Variants in PLXNA2 observed in about 807,000 individuals in gnomAD.
PLXNA2 encodes the protein plexin-A2.
PLXNA2 carries 91 observed loss-of-function variants against 193.5 expected under a neutral mutation model. That is an observed-to-expected ratio of 0.47 (90% CI 0.40 to 0.56). The LOEUF (loss-of-function observed/expected upper bound fraction) is 0.56, where lower values mean the gene tolerates loss of function less well. Ranked by LOEUF, PLXNA2 falls within the 20% of genes least tolerant of loss-of-function variation. The pLI is 0.00. For missense variants in PLXNA2, 1,995 were observed against 2,503.2 expected (o/e 0.80, Z 4.33); for synonymous variants, 997 against 1,027.3 (o/e 0.97, Z 0.56).
intron 11 of PLXNA2, among the ~76,000 whole-genome samples, chr1:208,079,839 C>T (rs2478809): frequency 0.14 from 20,832 of 152,098 alleles, 1,759 homozygotes; most frequent in East Asian, 0.34. Context: ...GTGCTTAGCA[C>T]AGTGCCTGTA....
intron 4 of PLXNA2, among the ~76,000 whole-genome samples, chr1:208,117,920 T>C (rs1470272059): frequency 6.6e-6 from 1 of 152,176 alleles, no homozygotes; most frequent in African/African-American, 2.4e-5. Flanking sequence ...AATTTGAGGC[T>C]GTGTTTGAGA....
Position 208,079,301 on chromosome 1 carries a change from A to C in PLXNA2, c.2545T>G (p.Ser849Ala), listed in dbSNP as rs773107405. ...TSPSSPWLDW[S>A]SHNVKCSNPQ... ...TTGGAGCACTTGACATTGTGGCTGG[A>C]CCAGTCGAGCCAGGGGCTGGAAGGG... The change falls in exon 12 of 32, where the codon TCC (serine) becomes GCC (alanine). Residue 849 changes from serine to alanine, a missense_variant. Transcript: ENST00000367033. 6.2e-7 allele frequency: 1 copy of C among 1,612,168 alleles called. No individual in the cohort carries two copies. The highest frequency in any genetic ancestry group is 8.5e-7 in the Non-Finnish European group (1 of 1,178,768).
chr1:208,210,380 A>G lies in PLXNA2; in HGVS notation c.1271T>C (p.Leu424Pro). ...GGSTPVEGLT[L>P]YTTSRDRMTS... ...CATGCGGTCCCTGCTGGTGGTGTAC[A>G]GGGTCAGGCCCTCCACTGGAGTTGA... Residue 424 changes from leucine (L) to proline (P), a missense_variant, in exon 3 of 32, where the codon CTG (leucine) becomes CCG (proline). This residue lies in a region of PLXNA2 where 702 missense variants were observed against 812.9 expected (regional missense o/e 0.86). Transcript: ENST00000367033. 1 of 1,614,062 alleles carries G rather than the reference A, an allele frequency of 6.2e-7. No individual in the cohort carries two copies. The highest frequency in any genetic ancestry group is 8.5e-7 in the Non-Finnish European group (1 of 1,180,006).
intron 4 of PLXNA2, among the ~76,000 whole-genome samples, chr1:208,132,660 T>C (rs1050863404): frequency 6.6e-6 from 1 of 152,148 alleles, no homozygotes; most frequent in Non-Finnish European, 1.5e-5. Context: ...GCAGGGTGGT[T>C]AAGCTTTTTT....
chr1:208,184,441 G>C (rs1191607161), intron 3 of PLXNA2, among the ~76,000 whole-genome samples: 1 of 150,746 alleles, frequency 6.6e-6, no homozygotes, highest in Non-Finnish European at 1.5e-5. Flanking sequence ...AAAAACCAAG[G>C]AAAGTATACC....
intron 4 of PLXNA2, among the ~76,000 whole-genome samples, chr1:208,129,698 C>T (rs1301225755): frequency 2.0e-5 from 3 of 152,200 alleles, no homozygotes; most frequent in African/African-American, 7.2e-5. Flanking sequence ...CCTTGACTCA[C>T]AGGCTATATT....
intron 3 of PLXNA2, among the ~76,000 whole-genome samples, chr1:208,206,824 C>A (rs866605136): frequency 7.1e-6 from 1 of 140,692 alleles, no homozygotes; most frequent in Non-Finnish European, 1.5e-5. Context: ...AGGCTAGTGG[C>A]GCGATCTGGG....
chr1:208,178,101 C>A (rs1669715441), intron 3 of PLXNA2, among the ~76,000 whole-genome samples: 1 of 149,984 alleles, frequency 6.7e-6, no homozygotes, highest in Non-Finnish European at 1.5e-5. Flanking sequence ...TAATAAGTGT[C>A]CATTCCTACC....
Position 208,045,183 on chromosome 1 carries a change from CA to C in PLXNA2, c.3522del (p.Gly1175GlufsTer52). ...LKGKNLCPPA[S>X]GGAKLNYTVL... is the part of the protein sequence containing the mutation. Reference sequence around the variant, plus strand: ...ACAGTGTAGTTGAGTTTGGCCCCTCCAGAGGCAGGAGGGCAGAGGTTTTTGC... The same window carrying C: ...ACAGTGTAGTTGAGTTTGGCCCCTCCGAGGCAGGAGGGCAGAGGTTTTTGC... On this transcript the variant is annotated frameshift_variant, in exon 19 of 32. Coordinates refer to ENST00000367033, the MANE Select transcript of PLXNA2 (RefSeq NM_025179.4). LOFTEE classifies it high-confidence loss of function. 1.9e-6 allele frequency: 3 copies of C among 1,614,168 alleles called. No homozygotes were observed. The highest frequency in any genetic ancestry group is 2.5e-6 in the Non-Finnish European group (3 of 1,180,028).
At chr1:208,075,631 G>A (rs1666121830) in intron 12 of PLXNA2, among the ~76,000 whole-genome samples, 1 of 152,142 alleles carries the variant, frequency 6.6e-6, no homozygotes, top group Non-Finnish European at 1.5e-5. Context: ...AGTGTTCATT[G>A]ACCATTCTTT....
chr1:208,046,208 T>C, intron 17 of PLXNA2, 91 bp from the exon 18 acceptor site: 1 of 1,441,818 alleles, frequency 6.9e-7, no homozygotes, highest in Non-Finnish European at 9.3e-7. Context: ...TCTCTGCTTT[T>C]GTGCCTCGTC....
intron 3 of PLXNA2, among the ~76,000 whole-genome samples, chr1:208,185,157 G>A (rs963379219): frequency 2.8e-4 from 42 of 152,320 alleles, no homozygotes; most frequent in African/African-American, 9.1e-4. Flanking sequence ...CTTCTAGGCT[G>A]CAGGGATTTG....
intron 4 of PLXNA2, among the ~76,000 whole-genome samples, chr1:208,112,249 A>G (rs760693294): frequency 1.3e-5 from 2 of 152,130 alleles, no homozygotes; most frequent in Non-Finnish European, 2.9e-5. Flanking sequence ...GTGGAATTCA[A>G]CCCTTGGATG....
At chr1:208,164,655 C>A (rs1430695222) in intron 3 of PLXNA2, among the ~76,000 whole-genome samples, 1 of 152,180 alleles carries the variant, frequency 6.6e-6, no homozygotes, top group African/African-American at 2.4e-5. Context: ...ATAGAGAAAA[C>A]AAACTCTGTT....
chr1:208,053,695 C>T (rs77190798), intron 14 of PLXNA2, among the ~76,000 whole-genome samples: 220 of 152,292 alleles, frequency 1.4e-3, no homozygotes, highest in African/African-American at 4.9e-3. Context: ...AGAGAGACTT[C>T]GGGGCCGAAG....
chr1:208,242,645 C>A (rs1672096915), intron 1 of PLXNA2, among the ~76,000 whole-genome samples: 1 of 152,202 alleles, frequency 6.6e-6, no homozygotes, highest in Non-Finnish European at 1.5e-5. Context: ...AGCCCCAAAT[C>A]TTTTATCCAA....
chr1:208,134,549 G>C (rs956374446), intron 4 of PLXNA2, among the ~76,000 whole-genome samples: 1 of 152,110 alleles, frequency 6.6e-6, no homozygotes, highest in Non-Finnish European at 1.5e-5. Context: ...GCAGCAATTC[G>C]CTTATCCTCA....
At position 208,119,499 on chromosome 1, in the gene PLXNA2, A is replaced by C. The variant is rs114368098; in HGVS notation, c.1507-16252T>G. Among the ~76,000 whole-genome samples, 1,069 of 152,354 alleles carry C rather than the reference A, an allele frequency of 7.0e-3. 13 individuals carry two copies. Among genetic ancestry groups the C allele is most frequent in the African/African-American group, 0.025 (1,046 of 41,590 alleles). The stretch of plus-strand genomic sequence containing the variant: ...CTTCACTAAGTGATACGGAAAGGTG[A>C]GTCTGGTGAAGGGCTAGGGCCACTT... On this transcript the variant is annotated intron_variant, in intron 4 of 31. Coordinates refer to ENST00000367033, the MANE Select transcript of PLXNA2 (RefSeq NM_025179.4).
At chr1:208,193,816 A>G (rs1670264028) in intron 3 of PLXNA2, among the ~76,000 whole-genome samples, 1 of 152,180 alleles carries the variant, frequency 6.6e-6, no homozygotes, top group Admixed American at 6.5e-5. Context: ...CTGCTTAAGC[A>G]CAAGAGATTG....
Sources: gnomAD v4.1 joint callset for allele counts (sites outside exome capture counted in the v4.1 genomes callset) on GRCh38, gnomAD v4.1.1 for gene constraint, gnomAD v4.1.1 regional missense constraint, MANE v1.5 for transcripts, NCBI Gene and HGNC (gene_info 2026-07-23, HGNC 2026-07-21) for gene names.